SPAST: variants seen among roughly 807,000 people sequenced by gnomAD.
SPAST encodes the protein spastic paraplegia 4 (autosomal dominant; spastin).
In SPAST, 30 loss-of-function variants were observed where a neutral mutation model predicts 76.6. That is an observed-to-expected ratio of 0.39 (90% confidence interval 0.29 to 0.53). SPAST has a LOEUF of 0.53. Among genes scored for constraint, SPAST ranks in the 20% least tolerant of loss-of-function variants. SPAST has a pLI of 0.68. For synonymous variants in SPAST, 305 were observed against 281.0 expected (o/e 1.09, Z -0.86); for missense variants, 717 against 770.5 (o/e 0.93, Z 0.82).
intron 1 of SPAST, among the ~76,000 whole-genome samples, chr2:32,080,783 C>CTTTTTTTTTTTTTTT (rs1162817708): frequency 2.1e-5 from 1 of 48,430 alleles, no homozygotes; most frequent in Non-Finnish European, 3.9e-5. Flanking sequence ...TGGCTCAGTT[C>CTTTTTTTTTTTTTTT]TTTTTTTTTT....
At chr2:32,070,811 G>A (rs72862257) in intron 1 of SPAST, among the ~76,000 whole-genome samples, 245 of 152,192 alleles carry the variant, frequency 1.6e-3, no homozygotes, top group African/African-American at 5.7e-3. Context: ...TTAATTTTTT[G>A]TAGAGATGGT....
chr2:32,149,021 ATAACC>A (rs1337650794), intron 16 of SPAST, among the ~76,000 whole-genome samples: 1 of 152,114 alleles, frequency 6.6e-6, no homozygotes, highest in Non-Finnish European at 1.5e-5. Flanking sequence ...TACAATAAAA[ATAACC>A]TATAACTATA....
chr2:32,142,083 G>A (rs1679739794), intron 13 of SPAST, 137 bp downstream of exon 13: 1 of 715,658 alleles, frequency 1.4e-6, no homozygotes. Flanking sequence ...ATGTACATAA[G>A]CTTACTGTCA....
At chr2:32,107,514 A>G (rs1197495469) in intron 4 of SPAST, among the ~76,000 whole-genome samples, 1 of 152,086 alleles carries the variant, frequency 6.6e-6, no homozygotes, top group Non-Finnish European at 1.5e-5. Context: ...TGGCCTCCCA[A>G]AGTGTTGGGA....
At chr2:32,080,037 G>A (rs1489548752) in intron 1 of SPAST, among the ~76,000 whole-genome samples, 22 of 152,110 alleles carry the variant, frequency 1.4e-4, no homozygotes, top group Non-Finnish European at 5.9e-5. Context: ...GCACCATTTT[G>A]CATTCCCACC....
At chr2:32,102,372 C>T (rs1678158327) in intron 4 of SPAST, among the ~76,000 whole-genome samples, 1 of 152,172 alleles carries the variant, frequency 6.6e-6, no homozygotes, top group Non-Finnish European at 1.5e-5. Flanking sequence ...AGATTTTGGG[C>T]TGAGATGATG....
chr2:32,114,972 T>TTTTA, intron 5 of SPAST, 147 bp downstream of exon 5: 1 of 679,962 alleles, frequency 1.5e-6, no homozygotes, highest in Non-Finnish European at 2.5e-6. Flanking sequence ...TTTTTTTTTT[T>TTTTA]TTTGAGACTC....
At chr2:32,085,330 C>T (rs1043808105) in intron 1 of SPAST, among the ~76,000 whole-genome samples, 5 of 151,706 alleles carry the variant, frequency 3.3e-5, no homozygotes, top group African/African-American at 4.8e-5. Flanking sequence ...GACCTCTCTC[C>T]TCAGTCCCCC....
chr2:32,077,569 T>G (rs1558615930), intron 1 of SPAST, among the ~76,000 whole-genome samples: 1 of 152,130 alleles, frequency 6.6e-6, no homozygotes, highest in African/African-American at 2.4e-5. Flanking sequence ...CCCAGACAGA[T>G]TAACTGACTT....
intron 1 of SPAST, among the ~76,000 whole-genome samples, chr2:32,067,590 T>C (rs2148689511): frequency 6.6e-6 from 1 of 152,192 alleles, no homozygotes; most frequent in East Asian, 1.9e-4. Flanking sequence ...TCTATTATAC[T>C]TAAATCCTCC....
chr2:32,089,490 T>G, intron 2 of SPAST, 32 bp from the exon 3 acceptor site: 1 of 1,180,694 alleles, frequency 8.5e-7, no homozygotes, highest in Non-Finnish European at 1.3e-6. Flanking sequence ...AGTTGGGAAA[T>G]GTAGATATTT....
At chr2:32,084,096 A>C (rs1677374686) in intron 1 of SPAST, among the ~76,000 whole-genome samples, 1 of 150,878 alleles carries the variant, frequency 6.6e-6, no homozygotes, top group African/African-American at 2.4e-5. Context: ...AGCAATCTTA[A>C]AAAGCAGTTT....
chr2:32,074,130 GT>G (rs1278638925), intron 1 of SPAST, among the ~76,000 whole-genome samples: 2 of 152,172 alleles, frequency 1.3e-5, no homozygotes, highest in African/African-American at 4.8e-5. Context: ...TTTAAGGAGG[GT>G]TTAAAGAAGC....
At chr2:32,105,308 C>T (rs1290966848) in intron 4 of SPAST, among the ~76,000 whole-genome samples, 1 of 152,252 alleles carries the variant, frequency 6.6e-6, no homozygotes, top group South Asian at 2.1e-4. Context: ...TCCATCAGGC[C>T]ATTTAAGGTC....
rs369123810 is a variant in SPAST, at chr2:32,136,853, G to C, written c.1322-24G>C. ...TCACATAGCTTGGTCTTTAATTAAAGTCTTATACTTGTATTTCCTCTAGAT... is the reference window on the plus strand; with the variant it reads ...TCACATAGCTTGGTCTTTAATTAAACTCTTATACTTGTATTTCCTCTAGAT... On this transcript the variant is annotated intron_variant, in intron 10 of 16. Coordinates refer to ENST00000315285, the MANE Select transcript of SPAST (RefSeq NM_014946.4). The C allele has an allele frequency of 5.6e-4, 883 of 1,579,090 alleles. 1 individual carries two copies. Among genetic ancestry groups the C allele is most frequent in the Non-Finnish European group, 6.6e-4 (756 of 1,148,674 alleles).
intron 3 of SPAST, among the ~76,000 whole-genome samples, chr2:32,096,513 C>G (rs1458763084): frequency 6.6e-6 from 1 of 151,138 alleles, no homozygotes; most frequent in Non-Finnish European, 1.5e-5. Flanking sequence ...ACTCCTCCTC[C>G]AAGAAAAAAA....
intron 16 of SPAST, among the ~76,000 whole-genome samples, chr2:32,154,140 A>G (rs1012599259): frequency 2.0e-5 from 3 of 152,246 alleles, no homozygotes; most frequent in African/African-American, 4.8e-5. Context: ...GTTAATACCT[A>G]TGAAACTAAA....
chr2:32,122,527 G>A (rs557960984), intron 7 of SPAST, among the ~76,000 whole-genome samples: 33 of 152,200 alleles, frequency 2.2e-4, no homozygotes, highest in African/African-American at 7.7e-4. Context: ...TTGCCATGTT[G>A]ACCAGTCTAG....
At chr2:32,107,587 C>T (rs570552993) in intron 4 of SPAST, among the ~76,000 whole-genome samples, 6 of 152,226 alleles carry the variant, frequency 3.9e-5, no homozygotes, top group South Asian at 2.1e-4. Context: ...TGACATGATG[C>T]TCAAAGGAAA....
Sources: allele counts gnomAD v4.1 joint callset (sites outside exome capture counted in the v4.1 genomes callset), GRCh38; gene constraint gnomAD v4.1.1; transcripts MANE v1.5; gene names NCBI Gene and HGNC (gene_info 2026-07-23, HGNC 2026-07-21).